SLC35F1: variants seen among roughly 807,000 people sequenced by gnomAD.
SLC35F1 encodes chromosome 6 open reading frame 169.
SLC35F1 carries 14 observed loss-of-function variants against 48.7 expected under a neutral mutation model. The ratio of observed to expected loss-of-function variants is 0.29; its 90% CI spans 0.19 to 0.45. The LOEUF (loss-of-function observed/expected upper bound fraction) is 0.45. Ranked by LOEUF, SLC35F1 falls within the 20% of genes least tolerant of loss-of-function variation. The probability of loss-of-function intolerance (pLI) is 1.00; values close to 1 mark genes in which losing one functional copy is unlikely to be tolerated. For missense variants in SLC35F1, 404 were observed against 500.0 expected, an observed-to-expected ratio of 0.81 and a Z score of 1.83; for synonymous variants, 190 against 202.2, an observed-to-expected ratio of 0.94 and a Z score of 0.51.
At chr6:117,939,801 G>C (rs1017500754) in intron 1 of SLC35F1, among the ~76,000 whole-genome samples, 1 of 152,036 alleles carries the variant, frequency 6.6e-6, no homozygotes, top group African/African-American at 2.4e-5. Context: ...TTTTAAATTA[G>C]CCCAGAGAGG....
At chr6:118,162,957 CTTTCT>C (rs1450745250) in intron 2 of SLC35F1, among the ~76,000 whole-genome samples, 11 of 141,516 alleles carry the variant, frequency 7.8e-5, no homozygotes, top group African/African-American at 2.9e-4. Flanking sequence ...TGAATCTTTT[CTTTCT>C]TTTTTTTTTT....
In SLC35F1 at chr6:117,994,516, A is replaced by G. The variant is rs141013559; in HGVS notation, c.173+86617A>G. On this transcript the variant is annotated intron_variant, in intron 1 of 7. Transcript: ENST00000360388. ...ACCTCCTCACAAGAGCTATTTCCAG[A>G]CTCTTCAAATCCTTACTACAACCCT... Among the ~76,000 whole-genome samples, 398 of 152,144 alleles carry G rather than the reference A, an allele frequency of 2.6e-3. 1 individual carries two copies. Among genetic ancestry groups the G allele is most frequent in the African/African-American group, 9.4e-3 (389 of 41,500 alleles).
intron 1 of SLC35F1, among the ~76,000 whole-genome samples, chr6:118,048,231 C>T (rs1225611542): frequency 1.3e-5 from 2 of 152,046 alleles, no homozygotes; most frequent in Admixed American, 6.6e-5. Flanking sequence ...AGGGATGAAG[C>T]CCACTTGATC....
chr6:117,924,422 C>T (rs1238999990), intron 1 of SLC35F1, among the ~76,000 whole-genome samples: 1 of 121,936 alleles, frequency 8.2e-6, no homozygotes, highest in Non-Finnish European at 1.8e-5. Flanking sequence ...TGTATATATA[C>T]ACATACGCAT....
At chr6:118,145,743 A>G (rs1001553893) in intron 1 of SLC35F1, among the ~76,000 whole-genome samples, 1 of 152,182 alleles carries the variant, frequency 6.6e-6, no homozygotes, top group Non-Finnish European at 1.5e-5. Flanking sequence ...CTAAGCAACC[A>G]TAGCATAAAG....
chr6:118,216,075 T>A (rs1375221540), intron 2 of SLC35F1, among the ~76,000 whole-genome samples: 1 of 105,444 alleles, frequency 9.5e-6, no homozygotes, highest in Non-Finnish European at 2.0e-5. Context: ...TCTTCTTGTT[T>A]TTTGTTTTTT....
chr6:118,010,393 G>T (rs560310811), intron 1 of SLC35F1, among the ~76,000 whole-genome samples: 4 of 152,264 alleles, frequency 2.6e-5, no homozygotes, highest in African/African-American at 9.6e-5. Context: ...TTAATTAATT[G>T]CTTGTTGAAA....
intron 7 of SLC35F1, among the ~76,000 whole-genome samples, chr6:118,309,009 G>A (rs768788117): frequency 3.3e-5 from 5 of 152,106 alleles, no homozygotes; most frequent in Non-Finnish European, 7.4e-5. Context: ...AACATCTGAG[G>A]GCTTGAAAGC....
chr6:118,147,753 A>G (rs1773996802), intron 1 of SLC35F1, among the ~76,000 whole-genome samples: 1 of 152,028 alleles, frequency 6.6e-6, no homozygotes, highest in South Asian at 2.1e-4. Context: ...AATCTCCTAC[A>G]CTTAGTGCCA....
chr6:118,280,458 A>C (rs1775967936), intron 6 of SLC35F1, among the ~76,000 whole-genome samples: 2 of 152,130 alleles, frequency 1.3e-5, no homozygotes, highest in African/African-American at 4.8e-5. Flanking sequence ...GTTGTGGTTG[A>C]TGCTTGTCTT....
At chr6:118,040,583 A>C (rs1003117735) in intron 1 of SLC35F1, among the ~76,000 whole-genome samples, 1 of 152,140 alleles carries the variant, frequency 6.6e-6, no homozygotes, top group Non-Finnish European at 1.5e-5. Context: ...AGTGGGAGAC[A>C]GTGTTTCCAT....
rs796774722 is a variant in SLC35F1 at position 117,923,680 on chromosome 6, T to C, written c.173+15781T>C. ...ATATGTATATATACATATATGTACA[T>C]ATATACATATGTACATATACATATA... On this transcript the variant is annotated intron_variant, in intron 1 of 7. Transcript: ENST00000360388. 4.4e-4 allele frequency among the ~76,000 whole-genome samples: 5 copies of C among 11,330 alleles called. 1 individual carries two copies. In the Admixed American group the frequency reaches 4.4e-3, roughly 10 times the overall value. 7.4% of individuals were successfully genotyped at this position (11,330 alleles called of 152,430 possible).
At chr6:118,038,453 T>C (rs1008967922) in intron 1 of SLC35F1, among the ~76,000 whole-genome samples, 3 of 152,080 alleles carry the variant, frequency 2.0e-5, no homozygotes, top group Non-Finnish European at 4.4e-5. Flanking sequence ...GTCAAGTCTG[T>C]AGATCAATTT....
chr6:117,959,818 CCTA>C lies in SLC35F1; in HGVS notation c.173+51923_173+51925del, dbSNP rs1776473067. Among the ~76,000 whole-genome samples the C allele has an allele frequency of 2.0e-5, 3 of 151,862 alleles. No homozygotes were observed. The South Asian group carries it at 6.2e-4, about 31-fold the overall frequency. On this transcript the variant is annotated intron_variant, in intron 1 of 7. Transcript: ENST00000360388. ...AGTTAAAACAATTATTTTTGATCCC[CCTA>C]CTATGTGATAAACAATTTCACAAGC...
chr6:118,029,540 T>C (rs1190987574), intron 1 of SLC35F1, among the ~76,000 whole-genome samples: 11 of 152,182 alleles, frequency 7.2e-5, no homozygotes, highest in Non-Finnish European at 1.6e-4. Flanking sequence ...GGAAAAATCA[T>C]AGTATATATT....
At chr6:118,058,838 A>T (rs1772497281) in intron 1 of SLC35F1, among the ~76,000 whole-genome samples, 1 of 152,186 alleles carries the variant, frequency 6.6e-6, no homozygotes, top group Admixed American at 6.5e-5. Context: ...TTCAGAACAT[A>T]CAATCTGGAG....
chr6:118,131,096 A>C (rs571815965), intron 1 of SLC35F1, among the ~76,000 whole-genome samples: 1 of 152,316 alleles, frequency 6.6e-6, no homozygotes, highest in Admixed American at 6.5e-5. Context: ...CTAGTCCAAA[A>C]GCATGCTTTC....
chr6:117,934,093 C>T (rs1776135472), intron 1 of SLC35F1, among the ~76,000 whole-genome samples: 1 of 152,076 alleles, frequency 6.6e-6, no homozygotes, highest in Non-Finnish European at 1.5e-5. Context: ...GAATGAGCCG[C>T]TGAAGGGTGA....
chr6:118,312,449 T>A (rs934947935), intron 7 of SLC35F1, among the ~76,000 whole-genome samples: 4 of 152,198 alleles, frequency 2.6e-5, no homozygotes, highest in African/African-American at 9.7e-5. Context: ...AATCAAAGAA[T>A]GAGGCACATT....
Sources: gnomAD v4.1 joint callset for allele counts (sites outside exome capture counted in the v4.1 genomes callset) on GRCh38, gnomAD v4.1.1 for gene constraint, MANE v1.5 for transcripts, NCBI Gene and HGNC (gene_info 2026-07-23, HGNC 2026-07-21) for gene names.